Variants in TMEM150C observed in about 807,000 individuals in gnomAD.
TMEM150C encodes transmembrane protein 150C.
Under a neutral mutation model 29.9 loss-of-function variants are expected in TMEM150C, and 10 were observed. That is an observed-to-expected ratio of 0.33 (90% CI 0.21 to 0.57). The LOEUF (loss-of-function observed/expected upper bound fraction) is 0.57. TMEM150C is among the 20% of genes least tolerant of loss of function. The pLI is 0.88. For synonymous variants in TMEM150C, 101 were observed against 112.5 expected, an observed-to-expected ratio of 0.90 and a Z score of 0.64; for missense variants, 251 against 303.6, an observed-to-expected ratio of 0.83 and a Z score of 1.29.
intron 1 of TMEM150C, among the ~76,000 whole-genome samples, chr4:82,561,408 G>C (rs1055699721): frequency 6.6e-6 from 1 of 152,218 alleles, no homozygotes; most frequent in Non-Finnish European, 1.5e-5. Context: ...CCTGCTTCCC[G>C]AGCCAGCCTG....
At chr4:82,536,003 T>C (rs1724991890) in intron 1 of TMEM150C, among the ~76,000 whole-genome samples, 1 of 151,976 alleles carries the variant, frequency 6.6e-6, no homozygotes, top group Non-Finnish European at 1.5e-5. Flanking sequence ...GGGAGTGTTG[T>C]GGGGAGGGGC....
At chr4:82,513,902 C>T (rs918394650) in intron 1 of TMEM150C, among the ~76,000 whole-genome samples, 2 of 152,242 alleles carry the variant, frequency 1.3e-5, no homozygotes, top group Admixed American at 1.3e-4. Context: ...GGAGAGAAGG[C>T]TGGCATGTGA....
intron 1 of TMEM150C, among the ~76,000 whole-genome samples, chr4:82,547,533 G>T (rs946437631): frequency 6.6e-6 from 1 of 151,964 alleles, no homozygotes; most frequent in African/African-American, 2.4e-5. Flanking sequence ...AGGTTGCAGG[G>T]AGCTGAGATT....
chr4:82,501,082 G>A (rs1321105884), intron 5 of TMEM150C, among the ~76,000 whole-genome samples: 1 of 152,228 alleles, frequency 6.6e-6, no homozygotes, highest in African/African-American at 2.4e-5. Context: ...CACTCTTGGG[G>A]CTTTGTGCTC....
chr4:82,485,542 T>A lies in TMEM150C; in HGVS notation c.719A>T (p.Glu240Val). ...NFLSFSESLS[E>V]ASEYQTDQV ...CTGGTCAGTCTGATATTCAGAAGCT[T>A]CTGACAGGCTTTCTGAGAAGCTTAG... is the stretch of plus-strand genomic sequence containing the variant. The change falls in exon 8 of 8, where the codon GAA becomes GTA. Residue 240 changes from glutamate (E) to valine (V), a missense_variant. Glu to Val is a moderately radical substitution (Grantham distance 121). Transcript: ENST00000449862. 6.2e-7 allele frequency: 1 copy of A among 1,607,434 alleles called. No individual in the cohort carries two copies. Among genetic ancestry groups the A allele is most frequent in the Non-Finnish European group, 8.5e-7 (1 of 1,176,874 alleles).
At chr4:82,511,426 A>G (rs1378533246) in intron 1 of TMEM150C, among the ~76,000 whole-genome samples, 1 of 149,830 alleles carries the variant, frequency 6.7e-6, no homozygotes, top group Admixed American at 6.7e-5. Context: ...CAGTGACCTA[A>G]GGATTCTTTT....
intron 1 of TMEM150C, among the ~76,000 whole-genome samples, chr4:82,537,473 T>C (rs1035508941): frequency 1.3e-5 from 2 of 152,206 alleles, no homozygotes; most frequent in Non-Finnish European, 2.9e-5. Flanking sequence ...AACTGGGTGA[T>C]AGGTATCAGG....
At chr4:82,498,517 A>G (rs1319455451) in intron 5 of TMEM150C, among the ~76,000 whole-genome samples, 5 of 151,934 alleles carry the variant, frequency 3.3e-5, no homozygotes, top group Non-Finnish European at 7.4e-5. Context: ...GTCTCTATCT[A>G]CTGACCTTGT....
At chr4:82,494,452 T>C (rs1285863183) in intron 6 of TMEM150C, among the ~76,000 whole-genome samples, 2 of 152,214 alleles carry the variant, frequency 1.3e-5, no homozygotes, top group Non-Finnish European at 2.9e-5. Flanking sequence ...CTTTCAAACT[T>C]GACTTCCACA....
At chr4:82,491,259 G>T in intron 6 of TMEM150C, 1 of 680,078 alleles carries the variant, frequency 1.5e-6, no homozygotes. Flanking sequence ...TTTGCAGGCA[G>T]CTTTCTTCTC....
intron 1 of TMEM150C, among the ~76,000 whole-genome samples, chr4:82,541,008 A>G (rs887168237): frequency 6.6e-6 from 1 of 152,182 alleles, no homozygotes; most frequent in Non-Finnish European, 1.5e-5. Context: ...ATTTAATCAC[A>G]GTGCACTCCA....
chr4:82,495,432 C>T, intron 6 of TMEM150C: 1 of 315,856 alleles, frequency 3.2e-6, no homozygotes, highest in South Asian at 3.0e-5. Context: ...CAGAGCGAGA[C>T]TCCGTCTCAA....
intron 1 of TMEM150C, among the ~76,000 whole-genome samples, chr4:82,506,489 T>C (rs1401977359): frequency 6.6e-6 from 1 of 152,262 alleles, no homozygotes; most frequent in Non-Finnish European, 1.5e-5. Context: ...CTTTCAATAA[T>C]TTAATTTGCA....
At chr4:82,500,279 C>T (rs567073921) in intron 5 of TMEM150C, among the ~76,000 whole-genome samples, 9 of 152,120 alleles carry the variant, frequency 5.9e-5, no homozygotes, top group East Asian at 5.8e-4. Context: ...GACTAATAGG[C>T]GGTGTGGGTT....
At chr4:82,511,049 A>T (rs888587414) in intron 1 of TMEM150C, among the ~76,000 whole-genome samples, 1 of 152,194 alleles carries the variant, frequency 6.6e-6, no homozygotes. Context: ...ACAACCAACA[A>T]ATGTCACACT....
intron 6 of TMEM150C, chr4:82,495,154 A>G: frequency 2.1e-6 from 1 of 471,516 alleles, no homozygotes; most frequent in Non-Finnish European, 3.6e-6. Context: ...GAGACACTGA[A>G]AAGTTTGACC....
intron 5 of TMEM150C, among the ~76,000 whole-genome samples, chr4:82,498,710 C>G (rs773188971): frequency 1.3e-5 from 2 of 152,162 alleles, no homozygotes; most frequent in African/African-American, 2.4e-5. Flanking sequence ...TGAAATGGCT[C>G]TTCATGTTGA....
intron 1 of TMEM150C, among the ~76,000 whole-genome samples, chr4:82,516,410 G>A (rs1029477334): frequency 3.3e-5 from 5 of 152,066 alleles, no homozygotes; most frequent in African/African-American, 1.2e-4. Context: ...AGATTCTCTG[G>A]TTTCAAATCC....
chr4:82,560,332 C>T (rs188040358), intron 1 of TMEM150C, among the ~76,000 whole-genome samples: 8 of 152,294 alleles, frequency 5.3e-5, no homozygotes, highest in Admixed American at 3.9e-4. Context: ...AATGTCATAA[C>T]ATCTATCAAC....
Sources: gnomAD v4.1 joint callset for allele counts (sites outside exome capture counted in the v4.1 genomes callset) on GRCh38, gnomAD v4.1.1 for gene constraint, MANE v1.5 for transcripts, NCBI Gene and HGNC (gene_info 2026-07-23, HGNC 2026-07-21) for gene names.